Variants in CUBN observed in about 807,000 individuals in gnomAD.
The protein encoded by CUBN is cubilin, also known as 460 kDa receptor.
Under a neutral mutation model 405.3 loss-of-function variants are expected in CUBN, and 282 were observed. The ratio of observed to expected loss-of-function variants is 0.70; its 90% CI spans 0.63 to 0.77. The LOEUF (loss-of-function observed/expected upper bound fraction) is 0.77, where lower values mean the gene tolerates loss of function less well. CUBN is among the 30% of genes least tolerant of loss of function. The pLI is 0.00. For missense variants in CUBN, 4,514 were observed against 4,475.2 expected (o/e 1.01, Z -0.25); for synonymous variants, 1,684 against 1,617.0 (o/e 1.04, Z -0.99).
At chr10:17,095,145 T>C (rs1402846297) in intron 14 of CUBN, among the ~76,000 whole-genome samples, 1 of 151,894 alleles carries the variant, frequency 6.6e-6, no homozygotes, top group East Asian at 1.9e-4. Context: ...GGCAAGAACA[T>C]ACAACATGTA....
At chr10:16,973,488 T>C (rs2131675830) in intron 31 of CUBN, among the ~76,000 whole-genome samples, 1 of 152,332 alleles carries the variant, frequency 6.6e-6, no homozygotes, top group South Asian at 2.1e-4. Flanking sequence ...GACTTCTTTT[T>C]CTAAAAACCT....
chr10:17,122,591 C>A (rs987035100), intron 6 of CUBN: 3 of 623,170 alleles, frequency 4.8e-6, no homozygotes, highest in Non-Finnish European at 9.1e-6. Context: ...GATTTCTTCA[C>A]GGGGTGAGAG....
chr10:16,881,098 T>A (rs1406271457), intron 56 of CUBN, among the ~76,000 whole-genome samples: 1 of 152,194 alleles, frequency 6.6e-6, no homozygotes, highest in Non-Finnish European at 1.5e-5. Flanking sequence ...AATAAAAAAA[T>A]TGTGCATTAG....
intron 22 of CUBN, among the ~76,000 whole-genome samples, chr10:17,049,391 T>C (rs1320147634): frequency 6.6e-6 from 1 of 152,244 alleles, no homozygotes; most frequent in East Asian, 1.9e-4. Flanking sequence ...TTACTCACTG[T>C]ACTCCTGGAG....
intron 54 of CUBN, among the ~76,000 whole-genome samples, chr10:16,891,714 G>GA (rs35077748): frequency 0.46 from 69,199 of 151,742 alleles, 18,336 homozygotes; most frequent in Middle Eastern, 0.62. Flanking sequence ...AAACTTGGGG[G>GA]AAAAAAACCC....
At chr10:17,081,574 A>G (rs1199750236) in intron 17 of CUBN, among the ~76,000 whole-genome samples, 1 of 152,188 alleles carries the variant, frequency 6.6e-6, no homozygotes, top group African/African-American at 2.4e-5. Flanking sequence ...GAGTCATAAT[A>G]ATGTCATTAG....
intron 55 of CUBN, 102 bp downstream of exon 55, chr10:16,890,269 C>G (rs1463554944): frequency 1.6e-5 from 17 of 1,094,730 alleles, no homozygotes; most frequent in Admixed American, 3.4e-5. Context: ...CCCGTAGACC[C>G]CCATACTCCT....
At chr10:17,112,296 C>T (rs4748356) in intron 8 of CUBN, among the ~76,000 whole-genome samples, 88,225 of 151,798 alleles carry the variant, frequency 0.58, 26,683 homozygotes, top group Non-Finnish European at 0.67. Context: ...AAGAAAAAAA[C>T]GCCCAAATGT....
chr10:17,122,417 C>G, intron 6 of CUBN: 1 of 354,736 alleles, frequency 2.8e-6, no homozygotes, highest in Non-Finnish European at 5.7e-6. Flanking sequence ...GCTGGGGACA[C>G]TGGTGTGGTG....
chr10:17,079,899 A>T (rs1350924639), intron 17 of CUBN, among the ~76,000 whole-genome samples: 1 of 152,168 alleles, frequency 6.6e-6, no homozygotes, highest in East Asian at 1.9e-4. Context: ...ATCTAAAGAC[A>T]TGCAGGAGAT....
At chr10:16,834,882 A>G (rs1839121487) in intron 64 of CUBN, 132 bp downstream of exon 64, 3 of 1,020,694 alleles carry the variant, frequency 2.9e-6, no homozygotes, top group Non-Finnish European at 4.4e-6. Context: ...AGGGAATGAA[A>G]GGGTAATGAA....
intron 27 of CUBN, among the ~76,000 whole-genome samples, chr10:17,032,144 T>A (rs1256273301): frequency 6.6e-6 from 1 of 151,878 alleles, no homozygotes; most frequent in African/African-American, 2.4e-5. Context: ...GAGATGGAGG[T>A]CAGCTGGTGT....
intron 53 of CUBN, among the ~76,000 whole-genome samples, chr10:16,899,785 G>A (rs992939804): frequency 6.6e-6 from 1 of 152,102 alleles, no homozygotes; most frequent in Non-Finnish European, 1.5e-5. Context: ...TGAAACCCCT[G>A]GAAATCAGGG....
intron 31 of CUBN, among the ~76,000 whole-genome samples, chr10:16,957,885 A>G (rs1166632729): frequency 1.4e-5 from 2 of 138,740 alleles, no homozygotes; most frequent in African/African-American, 2.7e-5. Context: ...TATGGTGTTT[A>G]TAGACTTCTC....
At chr10:17,092,225 T>C (rs1836279802) in intron 14 of CUBN, among the ~76,000 whole-genome samples, 2 of 152,130 alleles carry the variant, frequency 1.3e-5, no homozygotes, top group South Asian at 4.1e-4. Flanking sequence ...CTACCCTGAA[T>C]ACAAGAGACC....
At chr10:16,972,872 C>A (rs965883497) in intron 31 of CUBN, among the ~76,000 whole-genome samples, 2 of 152,038 alleles carry the variant, frequency 1.3e-5, no homozygotes, top group Non-Finnish European at 2.9e-5. Context: ...GTCCCAAGAC[C>A]ACTGCCTACT....
intron 31 of CUBN, chr10:16,965,850 C>T (rs1029066661): frequency 3.0e-5 from 12 of 405,882 alleles, no homozygotes; most frequent in Non-Finnish European, 6.0e-5. Flanking sequence ...TTGATTCTTA[C>T]AGTTCCACTT....
intron 14 of CUBN, among the ~76,000 whole-genome samples, chr10:17,090,888 T>C (rs1355392213): frequency 1.3e-5 from 2 of 149,502 alleles, no homozygotes; most frequent in Non-Finnish European, 3.0e-5. Context: ...AAGATCACTA[T>C]GAATATATAG....
intron 64 of CUBN, among the ~76,000 whole-genome samples, chr10:16,833,201 T>C (rs1359109410): frequency 6.6e-6 from 1 of 152,192 alleles, no homozygotes; most frequent in Non-Finnish European, 1.5e-5. Context: ...CCATCTTTCC[T>C]CCAGATCCCA....
Sources: gnomAD v4.1 joint callset for allele counts (sites outside exome capture counted in the v4.1 genomes callset) on GRCh38, gnomAD v4.1.1 for gene constraint, MANE v1.5 for transcripts, NCBI Gene and HGNC (gene_info 2026-07-23, HGNC 2026-07-21) for gene names.